Variants in DGKB observed in about 807,000 individuals in gnomAD.
DGKB encodes 90 kDa diacylglycerol kinase.
Under a neutral mutation model 114.3 loss-of-function variants are expected in DGKB, and 67 were observed. That is an observed-to-expected ratio of 0.59 (90% CI 0.48 to 0.72). DGKB has a LOEUF of 0.72. DGKB is among the 30% of genes least tolerant of loss of function. DGKB has a pLI of 0.00. For synonymous variants in DGKB, 398 were observed against 323.1 expected (o/e 1.23, Z -2.49); for missense variants, 907 against 975.2 (o/e 0.93, Z 0.93).
chr7:14,924,006 C>CAAAAAAAAAAAAAAAAAAAAAAAAAAAAT (rs1554345961), intron 1 of DGKB, among the ~76,000 whole-genome samples: 1 of 90,684 alleles, frequency 1.1e-5, no homozygotes, highest in African/African-American at 9.0e-5. Flanking sequence ...AAAAAAAAAG[C>CAAAAAAAAAAAAAAAAAAAAAAAAAAAAT]TTTGTCCTAT....
intron 20 of DGKB, among the ~76,000 whole-genome samples, chr7:14,499,369 T>C (rs2128950323): frequency 6.6e-6 from 1 of 151,724 alleles, no homozygotes; most frequent in South Asian, 2.1e-4. Flanking sequence ...TGGTTAATTT[T>C]GCAGTATGTT....
intron 23 of DGKB, among the ~76,000 whole-genome samples, chr7:14,220,246 AC>A (rs1789707711): frequency 6.6e-6 from 1 of 151,652 alleles, no homozygotes; most frequent in South Asian, 2.1e-4. Flanking sequence ...TTATGGGACC[AC>A]CATTATATAT....
At chr7:14,349,435 C>T (rs894763351) in intron 21 of DGKB, among the ~76,000 whole-genome samples, 10 of 152,024 alleles carry the variant, frequency 6.6e-5, no homozygotes, top group Admixed American at 5.9e-4. Context: ...CCTGTATTTC[C>T]ATTATGTCCA....
At chr7:14,905,845 A>C (rs1783676833), upstream of DGKB, among the ~76,000 whole-genome samples, 1 of 152,192 alleles carries the variant, frequency 6.6e-6, no homozygotes, top group Admixed American at 6.5e-5. Flanking sequence ...TGAATGAATT[A>C]ATCTGTGAGT....
At chr7:14,512,092 T>TA (rs901597828) in intron 20 of DGKB, among the ~76,000 whole-genome samples, 1 of 152,146 alleles carries the variant, frequency 6.6e-6, no homozygotes, top group South Asian at 2.1e-4. Context: ...CACATGCATT[T>TA]AAAAAAATGG....
chr7:14,518,819 A>C (rs117312201), intron 20 of DGKB, among the ~76,000 whole-genome samples: 1 of 152,038 alleles, frequency 6.6e-6, no homozygotes, highest in South Asian at 2.1e-4. Context: ...TGGCTCTTCA[A>C]TTTTAGCACA....
intron 25 of DGKB, among the ~76,000 whole-genome samples, chr7:14,151,462 C>A (rs1782191069): frequency 7.0e-6 from 1 of 143,112 alleles, no homozygotes; most frequent in Non-Finnish European, 1.5e-5. Context: ...ATATTAAAAA[C>A]TTTTTAAAAA....
At chr7:14,568,763 CG>C (rs1348734663) in intron 20 of DGKB, among the ~76,000 whole-genome samples, 1 of 152,152 alleles carries the variant, frequency 6.6e-6, no homozygotes, top group African/African-American at 2.4e-5. Context: ...TTTCTGACCT[CG>C]GGCTTTCTAA....
intron 1 of DGKB, among the ~76,000 whole-genome samples, chr7:14,952,376 G>A (rs533993765): frequency 2.6e-5 from 4 of 151,904 alleles, no homozygotes; most frequent in South Asian, 4.2e-4. Context: ...TACATGGATC[G>A]AATGACTTAA....
intron 23 of DGKB, among the ~76,000 whole-genome samples, chr7:14,259,034 C>T (rs1298003079): frequency 6.6e-6 from 1 of 152,012 alleles, no homozygotes; most frequent in Non-Finnish European, 1.5e-5. Context: ...TTCAAAGCAA[C>T]CATTCTATAC....
chr7:14,939,830 G>T (rs1785475122), intron 1 of DGKB, among the ~76,000 whole-genome samples: 1 of 151,826 alleles, frequency 6.6e-6, no homozygotes. Context: ...AGCCAGCATG[G>T]TCTTGATCTC....
At chr7:14,816,680 T>G (rs1394887864) in intron 2 of DGKB, 4 of 152,192 alleles carry the variant, frequency 2.6e-5, no homozygotes, top group Non-Finnish European at 5.9e-5. Flanking sequence ...ATGTAACGAT[T>G]AAATGAGATG....
chr7:14,355,051 T>C (rs1000262529), intron 21 of DGKB, among the ~76,000 whole-genome samples: 27 of 152,160 alleles, frequency 1.8e-4, no homozygotes, highest in Non-Finnish European at 3.4e-4. Flanking sequence ...TAGTTGACTA[T>C]GTTGAGCTAG....
At chr7:14,276,292 G>T (rs1020493852) in intron 23 of DGKB, among the ~76,000 whole-genome samples, 1 of 151,882 alleles carries the variant, frequency 6.6e-6, no homozygotes, top group African/African-American at 2.4e-5. Flanking sequence ...ACATTGTATC[G>T]ACACCACGCA....
chr7:14,289,963 T>A (rs957571815), intron 23 of DGKB, among the ~76,000 whole-genome samples: 1 of 152,170 alleles, frequency 6.6e-6, no homozygotes, highest in South Asian at 2.1e-4. Flanking sequence ...AACTACAAAC[T>A]CATTACTTGA....
intron 21 of DGKB, among the ~76,000 whole-genome samples, chr7:14,447,117 A>G (rs1049619043): frequency 6.6e-6 from 1 of 152,100 alleles, no homozygotes; most frequent in Non-Finnish European, 1.5e-5. Context: ...TGGAGTCACT[A>G]TGGCCAACCC....
At chr7:14,631,795 G>A (rs1809767786) in intron 13 of DGKB, among the ~76,000 whole-genome samples, 1 of 151,958 alleles carries the variant, frequency 6.6e-6, no homozygotes, top group African/African-American at 2.4e-5. Flanking sequence ...CTTAAGGTCT[G>A]AATAAAATTG....
intron 23 of DGKB, among the ~76,000 whole-genome samples, chr7:14,179,851 A>T (rs910626464): frequency 2.0e-5 from 3 of 152,214 alleles, no homozygotes; most frequent in Non-Finnish European, 4.4e-5. Flanking sequence ...GTTAACTTAG[A>T]GCTTCCACCT....
intron 20 of DGKB, among the ~76,000 whole-genome samples, chr7:14,535,005 A>G (rs555359221): frequency 3.3e-5 from 5 of 152,168 alleles, no homozygotes; most frequent in Non-Finnish European, 7.4e-5. Context: ...TGAAAACAAC[A>G]TATCAAAGCT....
Sources: gnomAD v4.1 joint callset for allele counts (sites outside exome capture counted in the v4.1 genomes callset) on GRCh38, gnomAD v4.1.1 for gene constraint, MANE v1.5 for transcripts, NCBI Gene and HGNC (gene_info 2026-07-23, HGNC 2026-07-21) for gene names.